Variants in NUFIP1 observed in about 807,000 individuals in gnomAD.
NUFIP1 encodes the protein nuclear FMR1 interacting protein 1.
A neutral mutation model predicts 56.2 loss-of-function variants in NUFIP1; 38 were observed. The observed-to-expected ratio is 0.68, with a 90% confidence interval of 0.52 to 0.89. The LOEUF is 0.89. Ranked by LOEUF, NUFIP1 falls within the 40% of genes least tolerant of loss-of-function variation. The probability of loss-of-function intolerance (pLI) is 0.00; values close to 1 mark genes in which losing one functional copy is unlikely to be tolerated. For missense variants in NUFIP1, 567 were observed against 605.8 expected, an observed-to-expected ratio of 0.94 and a Z score of 0.67; for synonymous variants, 215 against 212.4, an observed-to-expected ratio of 1.01 and a Z score of -0.10.
chr13:44,974,449 G>C (rs1871900820), intron 5 of NUFIP1, among the ~76,000 whole-genome samples: 3 of 152,248 alleles, frequency 2.0e-5, no homozygotes, highest in Non-Finnish European at 2.9e-5. Flanking sequence ...ATCACAGTGA[G>C]CTGGACGGAT....
At chr13:44,960,189 C>A (rs1365656645) in intron 6 of NUFIP1, among the ~76,000 whole-genome samples, 1 of 151,908 alleles carries the variant, frequency 6.6e-6, no homozygotes, top group Admixed American at 6.6e-5. Context: ...CTCGGCCTCA[C>A]AAAGTGCTGG....
Position 44,980,840 on chromosome 13 carries a change from G to A in NUFIP1, c.496-20C>T. The A allele has an allele frequency of 1.3e-6, 2 of 1,492,096 alleles. No individual in the cohort carries two copies. 92.4% of individuals were successfully genotyped at this position (1,492,096 alleles called of 1,614,324 possible). On this transcript the variant is annotated intron_variant, in intron 2 of 9. Coordinates refer to ENST00000379161, the MANE Select transcript of NUFIP1 (RefSeq NM_012345.3). ...TCTTTTCTGCAAACAAAAACAGAGA[G>A]GAATTAGGCTTTTGGTGAAAAATCT...
chr13:44,971,832 G>A (rs1229566559), intron 5 of NUFIP1, among the ~76,000 whole-genome samples: 1 of 152,216 alleles, frequency 6.6e-6, no homozygotes, highest in African/African-American at 2.4e-5. Flanking sequence ...ACAGGCAAGA[G>A]GAGAGCCGCC....
At chr13:44,980,214 G>A (rs991595726) in intron 3 of NUFIP1, among the ~76,000 whole-genome samples, 3 of 152,202 alleles carry the variant, frequency 2.0e-5, no homozygotes, top group African/African-American at 4.8e-5. Flanking sequence ...CCTGTGAAAT[G>A]CTCTTAATTC....
At chr13:44,966,657 G>T (rs894712087) in intron 5 of NUFIP1, among the ~76,000 whole-genome samples, 1 of 151,954 alleles carries the variant, frequency 6.6e-6, no homozygotes, top group African/African-American at 2.4e-5. Flanking sequence ...TAGGTATATC[G>T]AAGTTACCAA....
rs756707818 is a variant in NUFIP1 at position 44,941,300 on chromosome 13, T to C, written c.1394A>G (p.His465Arg). 8 of 1,609,176 alleles carry C rather than the reference T, an allele frequency of 5.0e-6. No homozygotes were observed. In the Admixed American group the frequency reaches 8.5e-5, roughly 17 times the overall value. Residue 465 changes from histidine to arginine, a missense_variant, in exon 10 of 10, where the codon CAT (histidine) becomes CGT (arginine). Physicochemically the swap from His to Arg is conservative, Grantham distance 29 (BLOSUM62 0). Transcript: ENST00000379161. ...LEMLLAPDIR[H>R]ERNVILQCVR... ...ACACTGCAAAATCACATTTCTTTCA[T>C]GTCGAATGTCCGGAGCTAGAAGCTA...
intron 7 of NUFIP1, among the ~76,000 whole-genome samples, chr13:44,953,433 C>T (rs992489899): frequency 1.3e-5 from 2 of 152,104 alleles, no homozygotes; most frequent in African/African-American, 4.8e-5. Flanking sequence ...ATTTCTTCTA[C>T]ATTTAATAAT....
chr13:44,972,016 G>A (rs1871823142), intron 5 of NUFIP1, among the ~76,000 whole-genome samples: 1 of 152,078 alleles, frequency 6.6e-6, no homozygotes, highest in Non-Finnish European at 1.5e-5. Flanking sequence ...AAGCACCACT[G>A]CACCCTACCA....
Position 44,989,424 on chromosome 13 carries a change from T to C in NUFIP1, c.13A>G (p.Thr5Ala), listed in dbSNP as rs1283296114. The change falls in exon 1 of 10, where the codon ACT (threonine) becomes GCT (alanine). Residue 5 changes from threonine to alanine, a missense_variant. Coordinates refer to ENST00000379161, the MANE Select transcript of NUFIP1 (RefSeq NM_012345.3). ...CCGATAGGAGTCTCGAAATCACTAG[T>C]CGGCTCAGCCATACCACTGGCGGGT... MAEP[T>A]SDFETPIGWH... The C allele has an allele frequency of 4.3e-6, 7 of 1,613,266 alleles. No individual in the cohort carries two copies. Among genetic ancestry groups the C allele is most frequent in the Middle Eastern group, 3.3e-4 (2 of 6,082 alleles).
At position 44,942,286 on chromosome 13, in the gene NUFIP1, G is replaced by A. The variant is rs181051978; in HGVS notation, c.1372-964C>T. ...TAGAAATCCCTGGTATTTAGAACAA[G>A]CACATAATCAAGGAATCACATGTAG... is the stretch of plus-strand genomic sequence containing the variant. On this transcript the variant is annotated intron_variant, in intron 9 of 9. Transcript: ENST00000379161. Among the ~76,000 whole-genome samples, 34 of 152,236 alleles carry A rather than the reference G, an allele frequency of 2.2e-4. No homozygotes were observed. The East Asian group carries it at 6.0e-3, about 27-fold the overall frequency.
intron 8 of NUFIP1, among the ~76,000 whole-genome samples, chr13:44,948,733 C>T (rs1870976710): frequency 6.6e-6 from 1 of 152,000 alleles, no homozygotes; most frequent in Admixed American, 6.6e-5. Flanking sequence ...TTCAGGTAGC[C>T]CTGAAAGAGA....
chr13:44,959,265 C>T (rs2137903327), intron 7 of NUFIP1, 116 bp downstream of exon 7: 1 of 920,946 alleles, frequency 1.1e-6, no homozygotes, highest in East Asian at 2.6e-5. Flanking sequence ...ACAAAAGCAT[C>T]ATTCTGCATT....
At chr13:44,980,441 G>T (rs1396571191) in intron 3 of NUFIP1, among the ~76,000 whole-genome samples, 1 of 152,154 alleles carries the variant, frequency 6.6e-6, no homozygotes, top group East Asian at 1.9e-4. Context: ...GATGCACAAG[G>T]TAACTAGAGG....
Position 44,940,764 on chromosome 13 carries a change from A to G in NUFIP1, c.*442T>C, listed in dbSNP as rs1349413560. The G allele has an allele frequency of 6.5e-6, 1 of 152,756 alleles. No individual in the cohort carries two copies. Among genetic ancestry groups the G allele is most frequent in the Non-Finnish European group, 1.5e-5 (1 of 68,412 alleles). The allele number at this position is 152,756 out of a possible 1,614,324, so 9.5% of individuals were successfully genotyped here. A position where few individuals can be genotyped will look rare whatever the true frequency, so the allele number is the denominator to read the frequency against. Reference sequence around the variant, plus strand: ...ATTAATTTGATCTGGTTTATTTTTAAAATATTCCCCCTTGCTACAGAACAT... The same window carrying G: ...ATTAATTTGATCTGGTTTATTTTTAGAATATTCCCCCTTGCTACAGAACAT... On this transcript the variant is annotated 3_prime_UTR_variant, in exon 10 of 10. Coordinates refer to ENST00000379161, the MANE Select transcript of NUFIP1 (RefSeq NM_012345.3).
chr13:44,968,842 A>C (rs1871706276), intron 5 of NUFIP1, among the ~76,000 whole-genome samples: 1 of 152,216 alleles, frequency 6.6e-6, no homozygotes. Flanking sequence ...ATTGGTAAAG[A>C]ATTTAAACTT....
At chr13:44,988,893 C>A in intron 1 of NUFIP1, 132 bp downstream of exon 1, 1 of 875,474 alleles carries the variant, frequency 1.1e-6, no homozygotes, top group East Asian at 2.7e-5. Context: ...TCTCACTTTG[C>A]TTTGAGATGC....
At chr13:44,961,552 T>C (rs1871425144) in intron 6 of NUFIP1, among the ~76,000 whole-genome samples, 1 of 152,218 alleles carries the variant, frequency 6.6e-6, no homozygotes, top group South Asian at 2.1e-4. Flanking sequence ...TTAATCCCTT[T>C]AGGGTCATAA....
chr13:44,980,782 G>A lies in NUFIP1; in HGVS notation c.534C>T (p.Thr178=), dbSNP rs1323394242. 1.9e-6 allele frequency: 3 copies of A among 1,602,762 alleles called. No homozygotes were observed. The highest frequency in any genetic ancestry group is 3.5e-5 in the Admixed American group (2 of 56,862). The part of the protein sequence containing the change: ...KEPVFHFFCD[T]CDRGFKNQEK... ...CTTGATTTTTAAAACCACGATCACAGGTATCACAAAAAAAGTGAAAAACTG... is the reference window on the plus strand; with the variant it reads ...CTTGATTTTTAAAACCACGATCACAAGTATCACAAAAAAAGTGAAAAACTG... The change falls in exon 3 of 10, where the codon ACC becomes ACT. Residue 178 remains threonine (T), a synonymous_variant. Transcript: ENST00000379161.
chr13:44,959,229 A>G, intron 7 of NUFIP1, 152 bp downstream of exon 7: 1 of 696,786 alleles, frequency 1.4e-6, no homozygotes, highest in South Asian at 2.1e-5. Context: ...GACGTTTTAA[A>G]CAAGATGCTC....
Sources: allele counts gnomAD v4.1 joint callset (sites outside exome capture counted in the v4.1 genomes callset), GRCh38; gene constraint gnomAD v4.1.1; transcripts MANE v1.5; gene names NCBI Gene and HGNC (gene_info 2026-07-23, HGNC 2026-07-21).